The following NRXN1 variants were observed in gnomAD, a reference collection of about 807,000 sequenced individuals.
NRXN1 encodes neurexin-1.
A neutral mutation model predicts 150.9 loss-of-function variants in NRXN1; 39 were observed. The observed-to-expected ratio is 0.26, with a 90% CI of 0.20 to 0.34. NRXN1 has a LOEUF of 0.34. Among genes scored for constraint, NRXN1 ranks in the 10% least tolerant of loss-of-function variants. NRXN1 has a pLI of 1.00. For missense variants in NRXN1, 1,815 were observed against 1,949.9 expected (o/e 0.93, Z 1.30); for synonymous variants, 924 against 757.0 (o/e 1.22, Z -3.62).
chr2:50,614,640 AATATAT>A (rs67833688), intron 8 of NRXN1, among the ~76,000 whole-genome samples: 1 of 143,332 alleles, frequency 7.0e-6, no homozygotes, highest in Non-Finnish European at 1.5e-5. Context: ...GTATAATAAA[AATATAT>A]ATATATATAT....
At chr2:50,485,634 G>T (rs1039775034) in intron 15 of NRXN1, among the ~76,000 whole-genome samples, 1 of 152,232 alleles carries the variant, frequency 6.6e-6, no homozygotes, top group East Asian at 1.9e-4. Flanking sequence ...CTCGTGGGCC[G>T]AGATAGGCCC....
intron 17 of NRXN1, among the ~76,000 whole-genome samples, chr2:50,242,794 A>G (rs1559156868): frequency 6.6e-6 from 1 of 151,788 alleles, no homozygotes; most frequent in East Asian, 1.9e-4. Flanking sequence ...AGAATTGGCA[A>G]ATGTGTTATA....
chr2:49,934,138 G>A (rs573288645), intron 22 of NRXN1, among the ~76,000 whole-genome samples: 2 of 152,064 alleles, frequency 1.3e-5, no homozygotes, highest in Non-Finnish European at 2.9e-5. Flanking sequence ...TATGTTTTAG[G>A]TGTCATAAAA....
At chr2:50,056,852 G>A (rs1693724155) in intron 19 of NRXN1, among the ~76,000 whole-genome samples, 1 of 152,042 alleles carries the variant, frequency 6.6e-6, no homozygotes, top group Admixed American at 6.6e-5. Flanking sequence ...AGTCTTATTT[G>A]TCACTCAATA....
At chr2:50,205,057 C>T (rs1357559024) in intron 18 of NRXN1, among the ~76,000 whole-genome samples, 1 of 151,894 alleles carries the variant, frequency 6.6e-6, no homozygotes, top group Non-Finnish European at 1.5e-5. Context: ...CAGTCCCACA[C>T]AAAGACAAGA....
Position 50,167,027 on chromosome 2 carries a change from T to C in NRXN1, c.3546+69762A>G, listed in dbSNP as rs569021519. Among the ~76,000 whole-genome samples the C allele has an allele frequency of 3.9e-5, 6 of 152,278 alleles. No homozygotes were observed. The East Asian group carries it at 1.2e-3, about 29-fold the overall frequency. On this transcript the variant is annotated intron_variant, in intron 18 of 22. Coordinates refer to ENST00000401669, the MANE Select transcript of NRXN1 (RefSeq NM_001330078.2). ...CTGATGGCATGTAGATTACATACAA[T>C]GAAATGATAATTTTTATGTTAAGGA...
intron 21 of NRXN1, 122 bp from the exon 22 acceptor site, chr2:49,943,913 T>A (rs1429061924): frequency 4.0e-6 from 3 of 758,030 alleles, no homozygotes; most frequent in Non-Finnish European, 7.0e-6. Flanking sequence ...TATTTCCCTT[T>A]CTAAAGACAC....
At chr2:49,968,729 A>G (rs1677398908) in intron 21 of NRXN1, among the ~76,000 whole-genome samples, 1 of 152,102 alleles carries the variant, frequency 6.6e-6, no homozygotes, top group Admixed American at 6.6e-5. Flanking sequence ...CCTTTCTCCA[A>G]GCTACCTTGA....
At chr2:50,424,589 G>A (rs190947773) in intron 17 of NRXN1, among the ~76,000 whole-genome samples, 2 of 152,182 alleles carry the variant, frequency 1.3e-5, no homozygotes, top group Admixed American at 1.3e-4. Flanking sequence ...AGCCAGCTCT[G>A]AAAATCTGTG....
chr2:50,287,025 T>A (rs2072274903), intron 17 of NRXN1, among the ~76,000 whole-genome samples: 2 of 152,214 alleles, frequency 1.3e-5, no homozygotes, highest in South Asian at 2.1e-4. Flanking sequence ...AGGTGCTTTG[T>A]AATTTTTAAT....
chr2:50,714,581 T>C (rs1171800087), intron 5 of NRXN1, among the ~76,000 whole-genome samples: 1 of 152,174 alleles, frequency 6.6e-6, no homozygotes, highest in African/African-American at 2.4e-5. Flanking sequence ...AATTGGTTCA[T>C]TTTATAGCAC....
At chr2:50,906,586 C>A (rs556304608) in intron 5 of NRXN1, among the ~76,000 whole-genome samples, 1 of 152,084 alleles carries the variant, frequency 6.6e-6, no homozygotes, top group Non-Finnish European at 1.5e-5. Context: ...TGTTCTCTTG[C>A]CAGAATAATC....
rs528712351 is a variant in NRXN1 at position 50,039,415 on chromosome 2, G to A, written c.4128+13856C>T. Reference sequence around the variant, plus strand: ...TGGGAGGCAGAGGTTGCAGTGAGCCGAGATCATGCCACTGCACTGCAGCTT... The same window carrying A: ...TGGGAGGCAGAGGTTGCAGTGAGCCAAGATCATGCCACTGCACTGCAGCTT... On this transcript the variant is annotated intron_variant, in intron 21 of 22. Coordinates refer to ENST00000401669, the MANE Select transcript of NRXN1 (RefSeq NM_001330078.2). Among the ~76,000 whole-genome samples, 12 of 152,268 alleles carry A rather than the reference G, an allele frequency of 7.9e-5. No individual in the cohort carries two copies. In the East Asian group the frequency reaches 1.2e-3, roughly 15 times the overall value.
chr2:50,990,520 A>T (rs1288567212), intron 2 of NRXN1, among the ~76,000 whole-genome samples: 2 of 151,984 alleles, frequency 1.3e-5, no homozygotes, highest in South Asian at 4.1e-4. Context: ...GGGAAGAAAC[A>T]CTTACATAAA....
intron 17 of NRXN1, among the ~76,000 whole-genome samples, chr2:50,284,787 T>C (rs923760160): frequency 6.6e-6 from 1 of 152,156 alleles, no homozygotes; most frequent in Admixed American, 6.6e-5. Context: ...ATTTATCACA[T>C]ACACCACAAT....
At chr2:50,614,435 C>T (rs1034138292) in intron 8 of NRXN1, among the ~76,000 whole-genome samples, 6 of 151,730 alleles carry the variant, frequency 4.0e-5, no homozygotes, top group Admixed American at 2.0e-4. Flanking sequence ...TTTGTTCTTA[C>T]GTGTAAATGA....
intron 17 of NRXN1, among the ~76,000 whole-genome samples, chr2:50,309,030 C>T (rs2152961045): frequency 6.6e-6 from 1 of 152,208 alleles, no homozygotes; most frequent in South Asian, 2.1e-4. Flanking sequence ...AATTTAGGAC[C>T]TAACATAAAG....
At chr2:50,469,184 T>A (rs1402310471) in intron 16 of NRXN1, among the ~76,000 whole-genome samples, 3 of 151,614 alleles carry the variant, frequency 2.0e-5, no homozygotes, top group Non-Finnish European at 4.4e-5. Flanking sequence ...GGGGTTGTAA[T>A]CTAGTGATTT....
At chr2:50,703,664 A>T (rs935205726) in intron 5 of NRXN1, among the ~76,000 whole-genome samples, 1 of 152,184 alleles carries the variant, frequency 6.6e-6, no homozygotes, top group Admixed American at 6.5e-5. Flanking sequence ...CAGTAATTTA[A>T]TAGCAACTTA....
Sources: gnomAD v4.1 joint callset for allele counts (sites outside exome capture counted in the v4.1 genomes callset) on GRCh38, gnomAD v4.1.1 for gene constraint, MANE v1.5 for transcripts, NCBI Gene and HGNC (gene_info 2026-07-23, HGNC 2026-07-21) for gene names.